The following RIC3 variants were observed in gnomAD, a reference collection of about 807,000 sequenced individuals.
The protein encoded by RIC3 is protein RIC-3.
A neutral mutation model predicts 27.3 loss-of-function variants in RIC3; 28 were observed. That is an observed-to-expected ratio of 1.02 (90% confidence interval 0.76 to 1.41). RIC3 has a LOEUF of 1.41. Ranked by LOEUF, RIC3 falls within the 40% of genes most tolerant of loss-of-function variation. The probability of loss-of-function intolerance (pLI) is 0.00; values close to 1 mark genes in which losing one functional copy is unlikely to be tolerated. For synonymous variants in RIC3, 184 were observed against 160.4 expected, an observed-to-expected ratio of 1.15 and a Z score of -1.11; for missense variants, 501 against 444.7, an observed-to-expected ratio of 1.13 and a Z score of -1.14.
chr11:8,098,670 G>A, the RIC3 span: 1 of 946,734 alleles, frequency 1.1e-6, no homozygotes, highest in Non-Finnish European at 1.7e-6. Flanking sequence ...AGAATGTTTT[G>A]CAGGCTCCTC....
chr11:8,104,929 TGTTTTTTTTTTTTTTTCTCCA>T (rs1363840583), downstream of RIC3: 1 of 147,776 alleles, frequency 6.8e-6, no homozygotes, highest in Admixed American at 6.7e-5. Flanking sequence ...AGCAGAAGGT[TGTTTTTTTTTTTTTTTCTCCA>T]TTCTGAAAAT....
At chr11:8,132,243 C>G (rs1420220734) in intron 4 of RIC3, among the ~76,000 whole-genome samples, 4 of 152,186 alleles carry the variant, frequency 2.6e-5, no homozygotes, top group East Asian at 1.9e-4. Flanking sequence ...TTTATCCCCA[C>G]TTTTCCACTC....
chr11:8,105,880 T>TAGGAAAGGGAAGCCTG (rs1347530071), downstream of RIC3: 15 of 152,194 alleles, frequency 9.9e-5, no homozygotes, highest in Non-Finnish European at 1.9e-4. Flanking sequence ...TTAGGATGGC[T>TAGGAAAGGGAAGCCTG]AGGAAAGGGA....
At chr11:8,144,731 G>T (rs918237091) in intron 1 of RIC3, among the ~76,000 whole-genome samples, 1 of 151,462 alleles carries the variant, frequency 6.6e-6, no homozygotes, top group Non-Finnish European at 1.5e-5. Flanking sequence ...ACATGCACAC[G>T]TATGTTTATT....
the RIC3 span, chr11:8,100,720 G>T: frequency 6.4e-7 from 1 of 1,553,192 alleles, no homozygotes; most frequent in Admixed American, 1.7e-5. Context: ...GAAAGCCCTG[G>T]AGGTCTAGGG....
Position 8,139,975 on chromosome 11 carries a change from G to C in RIC3, c.343C>G (p.Leu115Val). 1.9e-6 allele frequency: 3 copies of C among 1,612,866 alleles called. No homozygotes were observed. Among genetic ancestry groups the C allele is most frequent in the East Asian group, 2.2e-5 (1 of 44,854 alleles). Residue 115 changes from leucine to valine, a missense_variant, in exon 2 of 6, where the codon CTA becomes GTA. By Grantham distance (32) the Leu-to-Val change is conservative (BLOSUM62 1). Transcript: ENST00000309737. Reference protein sequence around the residue: ...FGIFLYILYILFKLSKGKTTA... With the variant: ...FGIFLYILYIVFKLSKGKTTA... ...AGGATGATTCTACTTACCTTAAATA[G>C]AATGTACAGTATATATAAAAAAATC...
downstream of RIC3, chr11:8,101,856 G>GACACGCCGA: frequency 2.1e-6 from 1 of 482,856 alleles, no homozygotes; most frequent in South Asian, 3.7e-5. Flanking sequence ...TTCTTTCCAT[G>GACACGCCGA]CCACGAGATC....
intron 4 of RIC3, among the ~76,000 whole-genome samples, chr11:8,136,528 A>C (rs547265047): frequency 6.6e-6 from 1 of 152,290 alleles, no homozygotes; most frequent in South Asian, 2.1e-4. Flanking sequence ...CACTTCTATC[A>C]ACCTCCTGAA....
chr11:8,150,331 A>T (rs1270648526), intron 1 of RIC3, among the ~76,000 whole-genome samples: 1 of 152,246 alleles, frequency 6.6e-6, no homozygotes, highest in Non-Finnish European at 1.5e-5. Context: ...ATTACCATGT[A>T]ATCAGTGCCA....
chr11:8,110,356 A>G lies in RIC3; in HGVS notation c.*342T>C, dbSNP rs554434233. The G allele has an allele frequency of 1.3e-5, 5 of 393,854 alleles. No homozygotes were observed. Among genetic ancestry groups the G allele is most frequent in the South Asian group, 8.9e-5 (4 of 44,980 alleles). The allele number at this position is 393,854 out of a possible 1,614,324, so 24.4% of individuals were successfully genotyped here. A position where few individuals can be genotyped will look rare whatever the true frequency, so the allele number is the denominator to read the frequency against. On this transcript the variant is annotated 3_prime_UTR_variant, in exon 6 of 6. Coordinates refer to ENST00000309737, the MANE Select transcript of RIC3 (RefSeq NM_001206671.4). ...GCTGATGTTCGTTCACAGGTGAACT[A>G]TCTGTTACACCTACCAGGAAGAGTC...
intron 1 of RIC3, among the ~76,000 whole-genome samples, chr11:8,146,257 T>A (rs772569115): frequency 6.6e-6 from 1 of 152,212 alleles, no homozygotes; most frequent in Non-Finnish European, 1.5e-5. Context: ...CATGAATACA[T>A]CTTTAAAAAC....
At chr11:8,154,805 C>T (rs956408784) in intron 1 of RIC3, among the ~76,000 whole-genome samples, 6 of 152,122 alleles carry the variant, frequency 3.9e-5, no homozygotes. Flanking sequence ...ATAAAGATAT[C>T]AGAACATAAA....
At chr11:8,118,333 A>C (rs572092612) in intron 5 of RIC3, among the ~76,000 whole-genome samples, 1 of 151,906 alleles carries the variant, frequency 6.6e-6, no homozygotes, top group South Asian at 2.1e-4. Context: ...AAACTAACCA[A>C]AACAAACAAT....
chr11:8,166,581 A>G (rs11041777), intron 1 of RIC3, among the ~76,000 whole-genome samples: 5,381 of 152,312 alleles, frequency 0.035, 123 homozygotes, highest in South Asian at 0.088. Context: ...GAGAACATAC[A>G]GTTTTAGGCT....
the RIC3 span, chr11:8,100,435 G>GT: frequency 8.0e-7 from 1 of 1,252,834 alleles, no homozygotes; most frequent in Non-Finnish European, 1.2e-6. Context: ...CTTTATTCCC[G>GT]TCCCCCCCAC....
At chr11:8,098,710 C>A in the RIC3 span, 1 of 1,422,638 alleles carries the variant, frequency 7.0e-7, no homozygotes, top group Non-Finnish European at 9.9e-7. Context: ...GTTCCCTGCT[C>A]TGGGGCAGAG....
rs537797293 is a variant in RIC3 at position 8,137,287 on chromosome 11, G to A, written c.521+91C>T. The A allele has an allele frequency of 1.6e-4, 174 of 1,114,634 alleles. 2 individuals carry two copies. Among genetic ancestry groups the A allele is most frequent in the South Asian group, 8.7e-4 (66 of 76,236 alleles). The allele number at this position is 1,114,634 out of a possible 1,614,324, so 69.0% of individuals were successfully genotyped here. A position where few individuals can be genotyped will look rare whatever the true frequency, so the allele number is the denominator to read the frequency against. ...GATCCACCCACCTCGGCCTCCCAAA[G>A]TGCTGGGATTAGAGGCCTCGGCCAC... On this transcript the variant is annotated intron_variant, in intron 4 of 5. Coordinates refer to ENST00000309737, the MANE Select transcript of RIC3 (RefSeq NM_001206671.4).
chr11:8,168,011 C>T (rs1425414859), intron 1 of RIC3, among the ~76,000 whole-genome samples: 1 of 152,134 alleles, frequency 6.6e-6, no homozygotes. Context: ...AGGAGCTGTC[C>T]AGCAATCAAC....
intron 5 of RIC3, among the ~76,000 whole-genome samples, chr11:8,121,138 G>A (rs188556901): frequency 4.6e-5 from 7 of 152,212 alleles, no homozygotes; most frequent in South Asian, 4.1e-4. Flanking sequence ...TAATGCTGCC[G>A]TTAAGAAATG....
Sources: gnomAD v4.1 joint callset for allele counts (sites outside exome capture counted in the v4.1 genomes callset) on GRCh38, gnomAD v4.1.1 for gene constraint, MANE v1.5 for transcripts, NCBI Gene and HGNC (gene_info 2026-07-23, HGNC 2026-07-21) for gene names.